The following PUS10 variants were observed in gnomAD, a reference collection of about 807,000 sequenced individuals.
PUS10 encodes pseudouridine synthase 10, also known as tRNA pseudouridine synthase Pus10.
Under a neutral mutation model 75.0 loss-of-function variants are expected in PUS10, and 59 were observed. The observed-to-expected ratio is 0.79, with a 90% CI of 0.64 to 0.98. The LOEUF (loss-of-function observed/expected upper bound fraction) is 0.98, where lower values mean the gene tolerates loss of function less well. PUS10 is among the 50% of genes least tolerant of loss of function. The pLI is 0.00. For synonymous variants in PUS10, 219 were observed against 211.6 expected (o/e 1.03, Z -0.30); for missense variants, 650 against 614.4 (o/e 1.06, Z -0.61).
chr2:61,001,103 A>G (rs966952391), intron 4 of PUS10, among the ~76,000 whole-genome samples: 1 of 152,190 alleles, frequency 6.6e-6, no homozygotes, highest in African/African-American at 2.4e-5. Context: ...TGCTTTCTCT[A>G]TATCATGCAT....
Position 61,011,873 on chromosome 2 carries a change from CTCAG to C in PUS10, c.14_17del (p.Thr5ArgfsTer54), listed in dbSNP as rs754154442. 1.2e-6 allele frequency: 2 copies of C among 1,604,934 alleles called. No individual in the cohort carries two copies. The highest frequency in any genetic ancestry group is 1.7e-6 in the Non-Finnish European group (2 of 1,176,904). ...ACAACTGGGCCACATGCTTGTTTTC[CTCAG>C]TCAGTGGGAACATATTGAATAATTA... On this transcript the variant is annotated frameshift_variant, in exon 2 of 18. Transcript: ENST00000316752. LOFTEE classifies it high-confidence loss of function.
rs368051358 is a variant in PUS10 at position 60,966,393 on chromosome 2, T to C, written c.616-909A>G. The stretch of plus-strand genomic sequence containing the variant: ...TATATTTACTGAGTTCATTGGATAG[T>C]TAGTAGACCTATTAGCTACTCTAGA... On this transcript the variant is annotated intron_variant, in intron 6 of 17. Coordinates refer to ENST00000316752, the MANE Select transcript of PUS10 (RefSeq NM_144709.4). 5 of 152,396 alleles carry C rather than the reference T, an allele frequency of 3.3e-5. No individual in the cohort carries two copies. In the East Asian group the frequency reaches 9.4e-4, roughly 29 times the overall value. The allele number at this position is 152,396 out of a possible 1,614,324, so 9.4% of individuals were successfully genotyped here. A position where few individuals can be genotyped will look rare whatever the true frequency, so the allele number is the denominator to read the frequency against.
rs780522101 is a variant in PUS10 at position 60,948,133 on chromosome 2, A to G, written c.1361T>C (p.Leu454Pro). 1 of 1,614,140 alleles carries G rather than the reference A, an allele frequency of 6.2e-7. No individual in the cohort carries two copies. Among genetic ancestry groups the G allele is most frequent in the South Asian group, 1.1e-5 (1 of 91,080 alleles). ...TPLRVLHRRP[L>P]AVRARVIHFM... is the part of the protein sequence containing the mutation. ...GTGAATGACGCGAGCTCGCACAGCC[A>G]GGGGCCTTCGGTGAAGGACGCGCAA... Residue 454 changes from leucine (L) to proline (P), a missense_variant, in exon 16 of 18, where the codon CTG (leucine) becomes CCG (proline). Physicochemically the swap from Leu to Pro is moderately conservative, Grantham distance 98 (BLOSUM62 -3). Transcript: ENST00000316752.
intron 4 of PUS10, among the ~76,000 whole-genome samples, chr2:61,002,315 G>C (rs1181021594): frequency 6.6e-6 from 1 of 152,184 alleles, no homozygotes; most frequent in African/African-American, 2.4e-5. Flanking sequence ...TTTCCATCAT[G>C]TGCCGAAACA....
intron 4 of PUS10, among the ~76,000 whole-genome samples, chr2:60,995,510 AC>A: frequency 6.6e-6 from 1 of 152,348 alleles, no homozygotes; most frequent in African/African-American, 2.4e-5. Context: ...AGAAAAAAGG[AC>A]AGTTCTACGC....
Position 60,962,812 on chromosome 2 carries a change from A to G in PUS10, c.788+14T>C, listed in dbSNP as rs72889035. On this transcript the variant is annotated intron_variant, in intron 9 of 17. Coordinates refer to ENST00000316752, the MANE Select transcript of PUS10 (RefSeq NM_144709.4). Reference sequence around the variant, plus strand: ...AATTTCACGATGCTTCTTTGTTTCTAAACTTCTACTTACTTAAGGAAATCC... The same window carrying G: ...AATTTCACGATGCTTCTTTGTTTCTGAACTTCTACTTACTTAAGGAAATCC... 2.1e-3 allele frequency: 3,272 copies of G among 1,579,418 alleles called. 69 individuals are homozygous for G. The African/African-American group carries it at 0.04, about 19-fold the overall frequency.
chr2:60,956,497 A>G (rs1433327921), intron 11 of PUS10, among the ~76,000 whole-genome samples: 5 of 152,210 alleles, frequency 3.3e-5, no homozygotes, highest in African/African-American at 1.2e-4. Flanking sequence ...ACAGGCCTCA[A>G]AGAAATAAGT....
At position 60,971,480 on chromosome 2, in the gene PUS10, T is replaced by C. The variant is rs765441071; in HGVS notation, c.503+43A>G. The stretch of plus-strand genomic sequence containing the variant: ...AAAGTGCTTTAAGAACCAGGTAGCT[T>C]GTATTTGAATGGTAGTAAAAATTCC... On this transcript the variant is annotated intron_variant, in intron 5 of 17. Coordinates refer to ENST00000316752, the MANE Select transcript of PUS10 (RefSeq NM_144709.4). 3.2e-6 allele frequency: 5 copies of C among 1,548,524 alleles called. No homozygotes were observed. In the Admixed American group the frequency reaches 8.4e-5, roughly 26 times the overall value.
intron 4 of PUS10, among the ~76,000 whole-genome samples, chr2:60,991,805 T>G (rs1295224233): frequency 6.6e-6 from 1 of 152,180 alleles, no homozygotes; most frequent in Non-Finnish European, 1.5e-5. Context: ...ACTAGCGATC[T>G]TAGCCAATGC....
intron 4 of PUS10, among the ~76,000 whole-genome samples, chr2:61,002,133 T>A (rs1164467920): frequency 6.6e-6 from 1 of 152,218 alleles, no homozygotes; most frequent in African/African-American, 2.4e-5. Context: ...TATGAGCTTG[T>A]TAGAAATGCA....
chr2:60,969,612 A>AT (rs989508951), intron 5 of PUS10, among the ~76,000 whole-genome samples: 6 of 152,090 alleles, frequency 3.9e-5, no homozygotes, highest in African/African-American at 1.2e-4. Flanking sequence ...AAGGCAATTA[A>AT]TTTTTTTTGT....
At chr2:60,994,356 C>G (rs890595065) in intron 4 of PUS10, among the ~76,000 whole-genome samples, 2 of 150,154 alleles carry the variant, frequency 1.3e-5, no homozygotes, top group Non-Finnish European at 3.0e-5. Flanking sequence ...TTCATCATCA[C>G]ACATACATGC....
At chr2:60,998,332 G>C (rs1029449700) in intron 4 of PUS10, among the ~76,000 whole-genome samples, 11 of 152,106 alleles carry the variant, frequency 7.2e-5, no homozygotes, top group Admixed American at 6.5e-5. Context: ...TCCTAAATTA[G>C]TTATGAATCC....
intron 15 of PUS10, among the ~76,000 whole-genome samples, chr2:60,951,047 C>G (rs1267196010): frequency 1.3e-5 from 2 of 152,210 alleles, no homozygotes; most frequent in African/African-American, 4.8e-5. Flanking sequence ...TCAACCTTTT[C>G]AAATGATTCT....
intron 4 of PUS10, among the ~76,000 whole-genome samples, chr2:60,995,236 T>C (rs181825901): frequency 6.6e-6 from 1 of 152,318 alleles, no homozygotes; most frequent in East Asian, 1.9e-4. Context: ...TTGTGATTAT[T>C]AAATGAAAGA....
rs554892685 is a variant in PUS10, at chr2:60,954,642, A to C, written c.1057+376T>G. ...GGTAAAATGAGAGACATGAAGGTTA[A>C]GACAGCAGAATCACTTTTTAAATGA... On this transcript the variant is annotated intron_variant, in intron 12 of 17. Coordinates refer to ENST00000316752, the MANE Select transcript of PUS10 (RefSeq NM_144709.4). Among the ~76,000 whole-genome samples the C allele has an allele frequency of 2.6e-5, 4 of 152,380 alleles. No individual in the cohort carries two copies. The South Asian group carries it at 8.3e-4, about 32-fold the overall frequency.
chr2:61,002,169 T>C (rs1238559590), intron 4 of PUS10, among the ~76,000 whole-genome samples: 1 of 152,224 alleles, frequency 6.6e-6, no homozygotes, highest in Non-Finnish European at 1.5e-5. Flanking sequence ...CCTGACCTAC[T>C]GTATTAGCAT....
Position 60,965,073 on chromosome 2 carries a change from T to A in PUS10, c.708A>T (p.Pro236=). The change falls in exon 8 of 18, where the codon CCA becomes CCT. Residue 236 remains proline, a synonymous_variant. Coordinates refer to ENST00000316752, the MANE Select transcript of PUS10 (RefSeq NM_144709.4). ...LAAICPDCFK[P]AKNKQSVFTR... ...CTTTCCTTACCTGTTTGTTTTTGGC[T>A]GGCTTAAAACAATCTGGGCATATCG... The A allele has an allele frequency of 6.2e-7, 1 of 1,613,860 alleles. No homozygotes were observed. The highest frequency in any genetic ancestry group is 8.5e-7 in the Non-Finnish European group (1 of 1,179,790).
chr2:60,954,249 G>T, intron 12 of PUS10, 91 bp from the exon 13 acceptor site: 3 of 1,200,100 alleles, frequency 2.5e-6, no homozygotes, highest in Admixed American at 1.9e-5. Context: ...GTGAAAAGTG[G>T]GTTGAGCTCT....
Sources: gnomAD v4.1 joint callset for allele counts (sites outside exome capture counted in the v4.1 genomes callset) on GRCh38, gnomAD v4.1.1 for gene constraint, MANE v1.5 for transcripts, NCBI Gene and HGNC (gene_info 2026-07-23, HGNC 2026-07-21) for gene names.